ANO3: variants seen among roughly 807,000 people sequenced by gnomAD.
ANO3 encodes anoctamin-3.
In ANO3, 99 loss-of-function variants were observed where a neutral mutation model predicts 144.8. The observed-to-expected ratio is 0.68, with a 90% CI of 0.58 to 0.81. The LOEUF is 0.81. Ranked by LOEUF, ANO3 falls within the 30% of genes least tolerant of loss-of-function variation. The probability of loss-of-function intolerance (pLI) is 0.00; values close to 1 mark genes in which losing one functional copy is unlikely to be tolerated. For missense variants in ANO3, 905 were observed against 1,202.2 expected (o/e 0.75, Z 3.66); for synonymous variants, 414 against 392.6 (o/e 1.05, Z -0.64).
chr11:26,456,142 A>T (rs2134046745), intron 3 of ANO3, among the ~76,000 whole-genome samples: 1 of 152,272 alleles, frequency 6.6e-6, no homozygotes, highest in African/African-American at 2.4e-5. Context: ...CCTAGGCATT[A>T]CCATTCAGGA....
intron 1 of ANO3, among the ~76,000 whole-genome samples, chr11:26,277,461 T>C (rs1328936951): frequency 1.3e-5 from 2 of 152,114 alleles, no homozygotes; most frequent in African/African-American, 2.4e-5. Context: ...TGGATCCTAA[T>C]GGCAATAAGT....
At chr11:26,370,234 A>G (rs1856210585) in intron 1 of ANO3, among the ~76,000 whole-genome samples, 1 of 152,008 alleles carries the variant, frequency 6.6e-6, no homozygotes, top group Non-Finnish European at 1.5e-5. Context: ...TTTTAATGAG[A>G]TCTGATGGTT....
intron 23 of ANO3, among the ~76,000 whole-genome samples, chr11:26,644,815 T>TCA (rs71449132): frequency 0.037 from 5,409 of 145,230 alleles, 295 homozygotes; most frequent in African/African-American, 0.12. Context: ...GGAATACTAA[T>TCA]CACACACACA....
intron 1 of ANO3, among the ~76,000 whole-genome samples, chr11:26,317,581 T>C (rs1854656400): frequency 6.6e-6 from 1 of 152,136 alleles, no homozygotes. Flanking sequence ...CCAGTCAGAA[T>C]GGTGATCATT....
intron 1 of ANO3, among the ~76,000 whole-genome samples, chr11:26,438,478 G>A (rs578167200): frequency 6.6e-5 from 10 of 151,516 alleles, no homozygotes; most frequent in African/African-American, 2.4e-4. Flanking sequence ...CGGGTGCAGT[G>A]GCTCATGCCT....
chr11:26,528,712 A>C (rs1486267190), intron 7 of ANO3, among the ~76,000 whole-genome samples: 1 of 152,088 alleles, frequency 6.6e-6, no homozygotes, highest in East Asian at 1.9e-4. Flanking sequence ...AGTGACCAGC[A>C]AATTCAGCAC....
chr11:26,387,267 C>T lies in ANO3; in HGVS notation c.47-54651C>T, dbSNP rs527608249. Among the ~76,000 whole-genome samples the T allele has an allele frequency of 2.6e-4, 40 of 151,664 alleles. No individual in the cohort carries two copies. The South Asian group carries it at 5.2e-3, about 20-fold the overall frequency. ...GATTACAGACATGAGCCACCACCCA[C>T]GGCCTTTCAAGTGCAGTATTGATGA... On this transcript the variant is annotated intron_variant, in intron 1 of 26. Coordinates refer to ENST00000256737, the MANE Select transcript of ANO3 (RefSeq NM_031418.4).
In ANO3 at chr11:26,547,730, T is replaced by C. The variant is rs180674148; in HGVS notation, c.1289+180T>C. 2.1e-4 allele frequency among the ~76,000 whole-genome samples: 32 copies of C among 152,050 alleles called. No individual in the cohort carries two copies. In the East Asian group the frequency reaches 6.0e-3, roughly 28 times the overall value. On this transcript the variant is annotated intron_variant, in intron 12 of 26. Coordinates refer to ENST00000256737, the MANE Select transcript of ANO3 (RefSeq NM_031418.4). ...AAGAGAACACAATTATAAAAGGTCA[T>C]TTTAATACTTTTATTTGCAAACTAT... is the stretch of plus-strand genomic sequence containing the variant.
At chr11:26,467,657 C>CT (rs71047851) in intron 4 of ANO3, among the ~76,000 whole-genome samples, 38,905 of 145,478 alleles carry the variant, frequency 0.27, 5,282 homozygotes, top group South Asian at 0.4. Flanking sequence ...ATATGTTCCA[C>CT]TTTTTTTTTT....
intron 24 of ANO3, among the ~76,000 whole-genome samples, chr11:26,652,254 C>T (rs1317443165): frequency 6.6e-6 from 1 of 152,110 alleles, no homozygotes; most frequent in South Asian, 2.1e-4. Context: ...TCCATTTGCC[C>T]GTCTACTTTT....
intron 23 of ANO3, among the ~76,000 whole-genome samples, chr11:26,645,075 T>G (rs1378465084): frequency 6.6e-6 from 1 of 152,146 alleles, no homozygotes; most frequent in East Asian, 1.9e-4. Context: ...TGTTGTTTCA[T>G]TATTTAGATA....
At chr11:26,469,068 C>T (rs567165905) in intron 4 of ANO3, among the ~76,000 whole-genome samples, 1 of 152,014 alleles carries the variant, frequency 6.6e-6, no homozygotes, top group Admixed American at 6.6e-5. Context: ...AAAGTAATCT[C>T]GTCCTGTTTT....
At chr11:26,257,363 A>G (rs1457688499) in intron 1 of ANO3, among the ~76,000 whole-genome samples, 1 of 152,078 alleles carries the variant, frequency 6.6e-6, no homozygotes, top group African/African-American at 2.4e-5. Flanking sequence ...TGATGGAGAC[A>G]TAAGCTAAAT....
intron 1 of ANO3, among the ~76,000 whole-genome samples, chr11:26,197,843 T>A (rs573212515): frequency 1.3e-5 from 2 of 152,174 alleles, no homozygotes; most frequent in African/African-American, 4.8e-5. Flanking sequence ...ACATTAGGCT[T>A]CTTTTCCCTA....
At chr11:26,513,073 A>T (rs1861727903) in intron 5 of ANO3, among the ~76,000 whole-genome samples, 1 of 152,154 alleles carries the variant, frequency 6.6e-6, no homozygotes, top group African/African-American at 2.4e-5. Context: ...TAGAAAAAAA[A>T]AGAGAGGGTA....
Position 26,558,268 on chromosome 11 carries a change from C to T in ANO3, c.1387-1451C>T, listed in dbSNP as rs186419224. 5.3e-5 allele frequency among the ~76,000 whole-genome samples: 8 copies of T among 152,090 alleles called. No individual in the cohort carries two copies. The South Asian group carries it at 1.0e-3, about 20-fold the overall frequency. On this transcript the variant is annotated intron_variant, in intron 13 of 26. Coordinates refer to ENST00000256737, the MANE Select transcript of ANO3 (RefSeq NM_031418.4). ...TCTAAAAGCATGGTTATTTCTAGAG[C>T]GGGGAAGGGCCATTATTTCTTGGTG... is the stretch of plus-strand genomic sequence containing the variant.
chr11:26,192,003 A>G (rs563222542), intron 1 of ANO3, among the ~76,000 whole-genome samples: 1 of 152,328 alleles, frequency 6.6e-6, no homozygotes, highest in East Asian at 1.9e-4. Context: ...TTATGATTAA[A>G]TAAATAACCA....
intron 4 of ANO3, among the ~76,000 whole-genome samples, chr11:26,488,319 CA>C (rs1356948874): frequency 6.0e-4 from 92 of 152,160 alleles, no homozygotes; most frequent in Non-Finnish European, 1.1e-3. Flanking sequence ...GCATAAGTAG[CA>C]AGGAGCCTAA....
chr11:26,544,273 TACAC>T (rs1554967702), intron 11 of ANO3, among the ~76,000 whole-genome samples: 80 of 58,520 alleles, frequency 1.4e-3, no homozygotes, highest in South Asian at 2.0e-3. Context: ...TATATATATA[TACAC>T]ACATACACAC....
Sources: allele counts gnomAD v4.1 joint callset (sites outside exome capture counted in the v4.1 genomes callset), GRCh38; gene constraint gnomAD v4.1.1; transcripts MANE v1.5; gene names NCBI Gene and HGNC (gene_info 2026-07-23, HGNC 2026-07-21).